The following TCF4 variants were observed in gnomAD, a reference collection of about 807,000 sequenced individuals.
TCF4 encodes transcription factor 4.
A neutral mutation model predicts 82.1 loss-of-function variants in TCF4; 3 were observed. The observed-to-expected ratio is 0.04, with a 90% CI of 0.02 to 0.09. TCF4 has a LOEUF of 0.09. Among genes scored for constraint, TCF4 ranks in the 10% least tolerant of loss-of-function variants. The pLI, the probability that TCF4 is intolerant of heterozygous loss-of-function variation, is 1.00. For missense variants in TCF4, 518 were observed against 852.7 expected (o/e 0.61, Z 4.89); for synonymous variants, 276 against 309.6 (o/e 0.89, Z 1.14).
Position 55,280,555 on chromosome 18 carries a change from C to T in TCF4, c.550-899G>A, listed in dbSNP as rs565532855. On this transcript the variant is annotated intron_variant, in intron 8 of 19. Coordinates refer to ENST00000354452, the MANE Select transcript of TCF4 (RefSeq NM_001083962.2). ...TGCTAAATATAATTTTTTTTAATCC[C>T]CATTTTCTTTTGCTCTCAAAGTTCC... Among the ~76,000 whole-genome samples the T allele has an allele frequency of 3.8e-4, 57 of 151,824 alleles. 1 individual carries two copies. The East Asian group carries it at 3.9e-3, about 10-fold the overall frequency.
At chr18:55,524,057 T>C (rs1433133416) in intron 3 of TCF4, among the ~76,000 whole-genome samples, 3 of 152,166 alleles carry the variant, frequency 2.0e-5, no homozygotes, top group African/African-American at 7.2e-5. Flanking sequence ...TAATTTTTAA[T>C]ATTTACATAG....
intron 5 of TCF4, among the ~76,000 whole-genome samples, chr18:55,414,766 A>G (rs2094469318): frequency 6.6e-6 from 1 of 152,154 alleles, no homozygotes; most frequent in Admixed American, 6.5e-5. Context: ...ACCATCAGTG[A>G]TTTGTTCCTT....
At chr18:55,424,801 TCAA>T (rs2094914468) in intron 5 of TCF4, among the ~76,000 whole-genome samples, 1 of 152,208 alleles carries the variant, frequency 6.6e-6, no homozygotes. Context: ...TTATAAAGAA[TCAA>T]CTATATTTAC....
chr18:55,621,617 AT>A (rs1207669237), intron 2 of TCF4, among the ~76,000 whole-genome samples: 1 of 88,520 alleles, frequency 1.1e-5, no homozygotes, highest in African/African-American at 4.6e-5. Flanking sequence ...ATTATATAAT[AT>A]TATATATAAT....
chr18:55,328,626 A>G (rs553428563), intron 8 of TCF4, among the ~76,000 whole-genome samples: 26 of 152,294 alleles, frequency 1.7e-4, no homozygotes, highest in African/African-American at 5.5e-4. Context: ...TTTTCCCTCA[A>G]AATGGTACAC....
intron 8 of TCF4, among the ~76,000 whole-genome samples, chr18:55,309,281 T>G: frequency 6.7e-6 from 1 of 149,486 alleles, no homozygotes; most frequent in African/African-American, 2.4e-5. Flanking sequence ...CTGGCTAATT[T>G]TTTTTTTTTT....
chr18:55,346,009 T>C (rs920610940), intron 8 of TCF4, among the ~76,000 whole-genome samples: 10 of 152,154 alleles, frequency 6.6e-5, no homozygotes, highest in African/African-American at 2.4e-4. Context: ...GTTTGTGATT[T>C]CTTCAAGCAC....
At chr18:55,380,531 C>T (rs1298810436) in intron 6 of TCF4, among the ~76,000 whole-genome samples, 1 of 152,156 alleles carries the variant, frequency 6.6e-6, no homozygotes, top group Non-Finnish European at 1.5e-5. Flanking sequence ...GCTTCACCTC[C>T]TAACACCATC....
chr18:55,399,417 T>G (rs1275408045), intron 6 of TCF4, among the ~76,000 whole-genome samples: 4 of 152,192 alleles, frequency 2.6e-5, no homozygotes, highest in African/African-American at 9.6e-5. Context: ...TAAATAACTG[T>G]ATCAGCAAAG....
At chr18:55,548,658 C>T (rs1024396080) in intron 3 of TCF4, among the ~76,000 whole-genome samples, 1 of 152,132 alleles carries the variant, frequency 6.6e-6, no homozygotes, top group African/African-American at 2.4e-5. Flanking sequence ...GATGGTGTAG[C>T]CTGCTATACA....
At chr18:55,372,276 G>T (rs1246184136) in intron 6 of TCF4, among the ~76,000 whole-genome samples, 1 of 151,940 alleles carries the variant, frequency 6.6e-6, no homozygotes, top group African/African-American at 2.4e-5. Flanking sequence ...AGATGGATTT[G>T]CTCTACAGAG....
In TCF4 at chr18:55,555,164, A is replaced by G. The variant is rs77118454; in HGVS notation, c.145+30116T>C. On this transcript the variant is annotated intron_variant, in intron 3 of 19. Coordinates refer to ENST00000354452, the MANE Select transcript of TCF4 (RefSeq NM_001083962.2). Reference sequence around the variant, plus strand: ...CTGGAGGCAAGTGGCTGACTGTATCAATCAGCATATGTTCTTAGGTTAACA... The same window carrying G: ...CTGGAGGCAAGTGGCTGACTGTATCGATCAGCATATGTTCTTAGGTTAACA... 1.2e-4 allele frequency among the ~76,000 whole-genome samples: 19 copies of G among 152,338 alleles called. No homozygotes were observed. In the East Asian group the frequency reaches 3.3e-3, roughly 26 times the overall value.
intron 3 of TCF4, among the ~76,000 whole-genome samples, chr18:55,478,420 A>C (rs1255083603): frequency 6.6e-6 from 1 of 152,198 alleles, no homozygotes; most frequent in Non-Finnish European, 1.5e-5. Context: ...AAAAACTCAC[A>C]CATCAGTCAC....
At chr18:55,413,438 T>C (rs1404319151) in intron 5 of TCF4, among the ~76,000 whole-genome samples, 1 of 152,158 alleles carries the variant, frequency 6.6e-6, no homozygotes, top group East Asian at 1.9e-4. Flanking sequence ...AAGAATGATG[T>C]TTTCCAGCCA....
rs183574642 is a variant in TCF4, at chr18:55,622,692, A to T, written c.286+8606T>A. On this transcript the variant is annotated intron_variant, in intron 2 of 20. Transcript: ENST00000398339. ...CCCAAAGTCATAAAGTTGGTTGCTG[A>T]TGAAACTGGGTCTCCAGATTTTCCA... is the stretch of plus-strand genomic sequence containing the variant. 9.2e-5 allele frequency among the ~76,000 whole-genome samples: 14 copies of T among 152,240 alleles called. No homozygotes were observed. In the East Asian group the frequency reaches 2.5e-3, roughly 27 times the overall value.
chr18:55,488,268 C>T (rs1337530179), intron 3 of TCF4, among the ~76,000 whole-genome samples: 2 of 151,914 alleles, frequency 1.3e-5, no homozygotes, highest in Non-Finnish European at 2.9e-5. Context: ...TTTTGGTGTC[C>T]GTATTTCAAG....
intron 15 of TCF4, among the ~76,000 whole-genome samples, chr18:55,240,788 C>T (rs75425155): frequency 0.013 from 2,020 of 152,298 alleles, 43 homozygotes; most frequent in African/African-American, 0.046. Flanking sequence ...TTCTTTAGTA[C>T]ATGTGATTAA....
intron 3 of TCF4, among the ~76,000 whole-genome samples, chr18:55,531,795 T>A (rs2097066388): frequency 6.6e-6 from 1 of 152,198 alleles, no homozygotes; most frequent in Admixed American, 6.5e-5. Flanking sequence ...TTCATAAGCA[T>A]TTAAGAATAA....
intron 2 of TCF4, among the ~76,000 whole-genome samples, chr18:55,610,387 G>C (rs1486788910): frequency 6.6e-6 from 1 of 152,070 alleles, no homozygotes; most frequent in Admixed American, 6.6e-5. Flanking sequence ...GTGCCTTGTT[G>C]GACTCCTTTG....
Sources: gnomAD v4.1 joint callset for allele counts (sites outside exome capture counted in the v4.1 genomes callset) on GRCh38, gnomAD v4.1.1 for gene constraint, MANE v1.5 for transcripts, NCBI Gene and HGNC (gene_info 2026-07-23, HGNC 2026-07-21) for gene names.